CEP120: variants seen among roughly 807,000 people sequenced by gnomAD.
The protein encoded by CEP120 is centrosomal protein 120.
CEP120 carries 113 observed loss-of-function variants against 126.5 expected under a neutral mutation model. That is an observed-to-expected ratio of 0.89 (90% CI 0.77 to 1.04). The LOEUF (loss-of-function observed/expected upper bound fraction) is 1.04. CEP120 is among the 50% of genes least tolerant of loss of function. The pLI, the probability that CEP120 is intolerant of heterozygous loss-of-function variation, is 0.00. For missense variants in CEP120, 1,230 were observed against 1,155.7 expected, an observed-to-expected ratio of 1.06 and a Z score of -0.93; for synonymous variants, 400 against 394.3, an observed-to-expected ratio of 1.01 and a Z score of -0.17.
At chr5:123,417,465 ATAACTT>A (rs1388421201) in intron 2 of CEP120, among the ~76,000 whole-genome samples, 23 of 152,160 alleles carry the variant, frequency 1.5e-4, no homozygotes, top group Non-Finnish European at 1.5e-4. Context: ...AATATATACT[ATAACTT>A]TAAGTCTATT....
intron 13 of CEP120, 69 bp downstream of exon 13, chr5:123,382,668 T>G: frequency 7.0e-7 from 1 of 1,424,908 alleles, no homozygotes; most frequent in Non-Finnish European, 9.5e-7. Context: ...GATTAAACCT[T>G]GCTACGGAGA....
At chr5:123,408,035 G>C (rs6595444) in intron 4 of CEP120, among the ~76,000 whole-genome samples, 65,973 of 152,034 alleles carry the variant, frequency 0.43, 14,279 homozygotes, top group East Asian at 0.47. Flanking sequence ...ATTGTGAGAT[G>C]CAATTTTTAT....
At chr5:123,364,036 G>A (rs1230841609) in intron 18 of CEP120, among the ~76,000 whole-genome samples, 1 of 151,424 alleles carries the variant, frequency 6.6e-6, no homozygotes, top group African/African-American at 2.4e-5. Context: ...TTCTATCAAA[G>A]TTTTTAAACA....
intron 3 of CEP120, among the ~76,000 whole-genome samples, chr5:123,414,971 CAAAAAAAAAAAAAAAAAAAAAA>C (rs56756568): frequency 4.9e-5 from 2 of 40,636 alleles, no homozygotes; most frequent in African/African-American, 2.3e-4. Flanking sequence ...GACTCCATCT[CAAAAAAAAAAAAAAAAAAAAAA>C]AAAAAAAAAG....
chr5:123,356,217 T>G (rs1254230564), intron 18 of CEP120, among the ~76,000 whole-genome samples: 1 of 152,162 alleles, frequency 6.6e-6, no homozygotes, highest in African/African-American at 2.4e-5. Flanking sequence ...GGTAGCATGA[T>G]GCCTCCAGCT....
At position 123,385,120 on chromosome 5, in the gene CEP120, C is replaced by T; in HGVS notation, c.1594G>A (p.Val532Ile). 2 of 1,611,978 alleles carry T rather than the reference C, an allele frequency of 1.2e-6. No homozygotes were observed. The highest frequency in any genetic ancestry group is 1.3e-5 in the African/African-American group (1 of 74,888). ...QDTFLRIPLL[V>I]ELWHKDKMSK... is the part of the protein sequence containing the mutation. ...ATTTTATCCTTGTGCCATAGTTCAA[C>T]CAGTAATGGAATCCTAAGGAAGAGA... The change falls in exon 11 of 20, where the codon GTT becomes ATT. Residue 532 changes from valine (V) to isoleucine (I), a missense_variant. By Grantham distance (29) the Val-to-Ile change is conservative. Coordinates refer to ENST00000306467, the MANE Select transcript of CEP120 (RefSeq NM_001375405.1).
chr5:123,417,952 C>A (rs890417225), intron 2 of CEP120, among the ~76,000 whole-genome samples: 1 of 152,088 alleles, frequency 6.6e-6, no homozygotes, highest in Non-Finnish European at 1.5e-5. Context: ...AATTTCCTGT[C>A]ACATTTAAAA....
chr5:123,388,527 A>G lies in CEP120; in HGVS notation c.1335T>C (p.Ile445=), dbSNP rs1306650257. 1 of 1,611,710 alleles carries G rather than the reference A, an allele frequency of 6.2e-7. No homozygotes were observed. Among genetic ancestry groups the G allele is most frequent in the East Asian group, 2.2e-5 (1 of 44,744 alleles). ...AATGATGTGATGTTGCTGGTACAGC[A>G]ATCTTCTGTCCTGAAGCTACTTCTG... ...NASEVASGQK[I]AVPATSHHFC... is the part of the protein sequence containing the mutation. Residue 445 remains isoleucine (I), a synonymous_variant, in exon 9 of 20, where the codon ATT becomes ATC. Coordinates refer to ENST00000306467, the MANE Select transcript of CEP120 (RefSeq NM_001375405.1).
chr5:123,422,623 G>C (rs1013600238), intron 1 of CEP120: 23 of 1,301,176 alleles, frequency 1.8e-5, no homozygotes, highest in Non-Finnish European at 2.5e-5. Flanking sequence ...GGGAACCGCT[G>C]ATCAGAACGC....
At position 123,423,397 on chromosome 5, in the gene CEP120, G is replaced by A. The variant is rs894118281; in HGVS notation, c.-399C>T. The A allele has an allele frequency of 1.9e-5, 5 of 260,650 alleles. No homozygotes were observed. Among genetic ancestry groups the A allele is most frequent in the East Asian group, 1.0e-4 (1 of 9,882 alleles). 16.1% of individuals were successfully genotyped at this position (260,650 alleles called of 1,614,324 possible). A position where few individuals can be genotyped will look rare whatever the true frequency, so the allele number is the denominator to read the frequency against. The stretch of plus-strand genomic sequence containing the variant: ...GGCCCAGTGCCCAGGGGAGGTTGGA[G>A]GACAACGGGTGATAGAGACAGAGCA... On this transcript the variant is annotated 5_prime_UTR_variant, in exon 1 of 20. Transcript: ENST00000306467.
At chr5:123,379,002 G>A (rs1771457138) in intron 14 of CEP120, among the ~76,000 whole-genome samples, 1 of 151,584 alleles carries the variant, frequency 6.6e-6, no homozygotes, top group Non-Finnish European at 1.5e-5. Context: ...GACCAGTGAA[G>A]ACAGCGGAAC....
intron 4 of CEP120, among the ~76,000 whole-genome samples, chr5:123,404,532 T>G (rs1052035738): frequency 6.6e-5 from 10 of 152,044 alleles, no homozygotes; most frequent in African/African-American, 2.4e-4. Flanking sequence ...AGAAATTTCT[T>G]TAATATATAA....
At chr5:123,360,769 T>C (rs1770018505) in intron 18 of CEP120, among the ~76,000 whole-genome samples, 1 of 151,778 alleles carries the variant, frequency 6.6e-6, no homozygotes, top group Non-Finnish European at 1.5e-5. Context: ...GGAGGGATTC[T>C]TGCAGTGGAG....
At chr5:123,369,049 G>C (rs1479868436) in intron 17 of CEP120, among the ~76,000 whole-genome samples, 1 of 151,724 alleles carries the variant, frequency 6.6e-6, no homozygotes, top group African/African-American at 2.4e-5. Flanking sequence ...AGGCATTCAA[G>C]AAAAGATGTT....
At chr5:123,402,174 G>T in intron 4 of CEP120, 1 of 1,578,952 alleles carries the variant, frequency 6.3e-7, no homozygotes, top group Non-Finnish European at 8.7e-7. Flanking sequence ...CATGCCGCTG[G>T]CCCCACCACA....
rs113466988 is a variant in CEP120 at position 123,390,856 on chromosome 5, G to T, written c.1038+254C>A. The T allele has an allele frequency of 3.7e-4, 130 of 347,924 alleles. 1 individual carries two copies. The highest frequency in any genetic ancestry group is 3.2e-3 in the South Asian group (48 of 14,998). The allele number at this position is 347,924 out of a possible 1,614,324, so 21.6% of individuals were successfully genotyped here. ...GAGTTCCTTTTCTGGAGTTGGGGGT[G>T]GGGGAGACCATAAGTGGGTTTCCAC... On this transcript the variant is annotated intron_variant, in intron 7 of 19. Coordinates refer to ENST00000306467, the MANE Select transcript of CEP120 (RefSeq NM_001375405.1).
chr5:123,359,090 T>C lies in CEP120; in HGVS notation c.2580+5406A>G, dbSNP rs1413702981. ...ATCCCATGCTTGGCTAAATTACTTATAAATTAATCAAATTAATTACTCAGA... is the reference window on the plus strand; with the variant it reads ...ATCCCATGCTTGGCTAAATTACTTACAAATTAATCAAATTAATTACTCAGA... On this transcript the variant is annotated intron_variant, in intron 18 of 19. Coordinates refer to ENST00000306467, the MANE Select transcript of CEP120 (RefSeq NM_001375405.1). Among the ~76,000 whole-genome samples the C allele has an allele frequency of 5.3e-5, 8 of 152,194 alleles. No individual in the cohort carries two copies. In the East Asian group the frequency reaches 9.7e-4, roughly 18 times the overall value.
At chr5:123,399,006 G>T in intron 5 of CEP120, 130 bp downstream of exon 5, 2 of 593,564 alleles carry the variant, frequency 3.4e-6, no homozygotes, top group Non-Finnish European at 2.7e-6. Flanking sequence ...AAGAAAACAT[G>T]TTTTGAACTC....
chr5:123,391,247 G>C lies in CEP120; in HGVS notation c.901C>G (p.His301Asp). 1.2e-6 allele frequency: 2 copies of C among 1,614,144 alleles called. No individual in the cohort carries two copies. The highest frequency in any genetic ancestry group is 1.7e-6 in the Non-Finnish European group (2 of 1,180,022). The change falls in exon 7 of 20, where the codon CAC (histidine) becomes GAC (aspartate). Residue 301 changes from histidine to aspartate, a missense_variant. Coordinates refer to ENST00000306467, the MANE Select transcript of CEP120 (RefSeq NM_001375405.1). ...AAAGCACCTTCGACTGTGACTGGGT[G>C]CTGGTTGATTTCTGTACTGCCCTTT... ...LKKGSTEINQ[H>D]PVTVEGAFTL...
Sources: gnomAD v4.1 joint callset for allele counts (sites outside exome capture counted in the v4.1 genomes callset) on GRCh38, gnomAD v4.1.1 for gene constraint, MANE v1.5 for transcripts, NCBI Gene and HGNC (gene_info 2026-07-23, HGNC 2026-07-21) for gene names.